MAPK8: variants seen among roughly 807,000 people sequenced by gnomAD.
The protein encoded by MAPK8 is mitogen-activated protein kinase 8, also known as JUN N-terminal kinase.
In MAPK8, 13 loss-of-function variants were observed where a neutral mutation model predicts 52.9. The observed-to-expected ratio is 0.25, with a 90% CI of 0.16 to 0.39. The LOEUF is 0.39. MAPK8 is among the 10% of genes least tolerant of loss of function. MAPK8 has a pLI of 1.00. For synonymous variants in MAPK8, 191 were observed against 169.8 expected, an observed-to-expected ratio of 1.12 and a Z score of -0.97; for missense variants, 300 against 519.2, an observed-to-expected ratio of 0.58 and a Z score of 4.10.
intron 1 of MAPK8, among the ~76,000 whole-genome samples, chr10:48,359,396 G>GGTTCC (rs1847313332): frequency 6.6e-6 from 1 of 152,042 alleles, no homozygotes; most frequent in African/African-American, 2.4e-5. Context: ...TTTTTTAAAA[G>GGTTCC]CTTGTTACAC....
intron 1 of MAPK8, among the ~76,000 whole-genome samples, chr10:48,367,490 A>G (rs1848158707): frequency 2.0e-5 from 3 of 151,940 alleles, no homozygotes; most frequent in Admixed American, 6.6e-5. Context: ...GTCTTTGGTA[A>G]TGAAAGCATT....
chr10:48,338,590 C>T (rs1844925523), intron 1 of MAPK8, among the ~76,000 whole-genome samples: 3 of 151,912 alleles, frequency 2.0e-5, no homozygotes, highest in South Asian at 4.1e-4. Context: ...AGCAATCAGA[C>T]AAAAGAAATA....
chr10:48,406,224 T>A (rs1443079898), intron 3 of MAPK8, among the ~76,000 whole-genome samples: 1 of 152,088 alleles, frequency 6.6e-6, no homozygotes, highest in Non-Finnish European at 1.5e-5. Flanking sequence ...TAGATAATAA[T>A]AGGGAGGAAG....
At chr10:48,402,727 T>C (rs181838802) in intron 2 of MAPK8, among the ~76,000 whole-genome samples, 2 of 152,338 alleles carry the variant, frequency 1.3e-5, no homozygotes, top group Admixed American at 1.3e-4. Flanking sequence ...TATAATCCAG[T>C]ATTTCTCCTA....
intron 1 of MAPK8, among the ~76,000 whole-genome samples, chr10:48,378,914 C>T (rs1420392643): frequency 2.0e-5 from 3 of 152,122 alleles, no homozygotes; most frequent in African/African-American, 7.2e-5. Flanking sequence ...AGGCACAAGC[C>T]ACTACACCCA....
At chr10:48,314,622 G>A (rs1275190005) in intron 1 of MAPK8, among the ~76,000 whole-genome samples, 1 of 152,204 alleles carries the variant, frequency 6.6e-6, no homozygotes, top group East Asian at 1.9e-4. Flanking sequence ...AGTGTAGCCT[G>A]TAGAGGTTGT....
At chr10:48,349,956 A>G (rs2132423258) in intron 1 of MAPK8, among the ~76,000 whole-genome samples, 1 of 152,364 alleles carries the variant, frequency 6.6e-6, no homozygotes, top group Non-Finnish European at 1.5e-5. Context: ...TCCCACAGAA[A>G]TACAAACTAC....
intron 1 of MAPK8, among the ~76,000 whole-genome samples, chr10:48,345,547 C>G (rs185959940): frequency 6.6e-6 from 1 of 152,112 alleles, no homozygotes. Context: ...GAAAATGATA[C>G]GTAAACTTCT....
chr10:48,325,320 T>TAC (rs1285238214), intron 1 of MAPK8, among the ~76,000 whole-genome samples: 1 of 152,260 alleles, frequency 6.6e-6, no homozygotes, highest in Non-Finnish European at 1.5e-5. Flanking sequence ...GGGATTGAAC[T>TAC]ACAGTTCTTC....
At chr10:48,332,121 T>G (rs1844212390) in intron 1 of MAPK8, among the ~76,000 whole-genome samples, 1 of 152,182 alleles carries the variant, frequency 6.6e-6, no homozygotes, top group South Asian at 2.1e-4. Flanking sequence ...GTTCTAATAT[T>G]ATTTTGACCA....
chr10:48,391,874 A>G (rs2041644000), intron 1 of MAPK8, among the ~76,000 whole-genome samples: 1 of 152,202 alleles, frequency 6.6e-6, no homozygotes, highest in Non-Finnish European at 1.5e-5. Flanking sequence ...TTACCAGTTT[A>G]TTATAAAGGA....
intron 1 of MAPK8, among the ~76,000 whole-genome samples, chr10:48,355,508 CAAA>C (rs67368546): frequency 8.8e-6 from 1 of 113,472 alleles, no homozygotes. Context: ...GATTCCGTCT[CAAA>C]AAAAAAAAAA....
At chr10:48,396,845 G>A (rs2041911715) in intron 1 of MAPK8, among the ~76,000 whole-genome samples, 1 of 152,102 alleles carries the variant, frequency 6.6e-6, no homozygotes, top group Non-Finnish European at 1.5e-5. Context: ...TGAGTTTTAA[G>A]CCTATATACA....
intron 2 of MAPK8, among the ~76,000 whole-genome samples, chr10:48,404,268 T>C (rs923545811): frequency 6.6e-6 from 1 of 151,932 alleles, no homozygotes; most frequent in Non-Finnish European, 1.5e-5. Flanking sequence ...GTGATTCCCT[T>C]GCCTTAGCCT....
At chr10:48,315,909 G>A (rs1842451785) in intron 1 of MAPK8, among the ~76,000 whole-genome samples, 1 of 151,858 alleles carries the variant, frequency 6.6e-6, no homozygotes, top group South Asian at 2.1e-4. Flanking sequence ...TCCATTATAT[G>A]TAAAATGAGC....
chr10:48,421,731 G>A (rs952993104), intron 6 of MAPK8, among the ~76,000 whole-genome samples: 5 of 152,130 alleles, frequency 3.3e-5, no homozygotes, highest in African/African-American at 1.2e-4. Context: ...TTGAACCCGG[G>A]AGGTGGAGGT....
At chr10:48,428,167 T>C (rs1163370024) in intron 10 of MAPK8, among the ~76,000 whole-genome samples, 3 of 152,210 alleles carry the variant, frequency 2.0e-5, no homozygotes, top group African/African-American at 7.2e-5. Context: ...AAATCTAATG[T>C]AGTTTTATTC....
chr10:48,385,171 T>G (rs1589144797), intron 1 of MAPK8, among the ~76,000 whole-genome samples: 1 of 152,154 alleles, frequency 6.6e-6, no homozygotes, highest in Non-Finnish European at 1.5e-5. Flanking sequence ...CTTCAAGAGG[T>G]AATTATTTAG....
At chr10:48,354,306 T>A (rs1846632838) in intron 1 of MAPK8, among the ~76,000 whole-genome samples, 1 of 152,218 alleles carries the variant, frequency 6.6e-6, no homozygotes, top group Non-Finnish European at 1.5e-5. Context: ...ATTTGCCAAA[T>A]CTGGTTTCCT....
Sources: gnomAD v4.1 joint callset for allele counts (sites outside exome capture counted in the v4.1 genomes callset) on GRCh38, gnomAD v4.1.1 for gene constraint, MANE v1.5 for transcripts, NCBI Gene and HGNC (gene_info 2026-07-23, HGNC 2026-07-21) for gene names.